The following ZNF217 variants were observed in gnomAD, a reference collection of about 807,000 sequenced individuals.
ZNF217 encodes zinc finger protein 217.
In ZNF217, 12 loss-of-function variants were observed where a neutral mutation model predicts 73.3. The ratio of observed to expected loss-of-function variants is 0.16; its 90% CI spans 0.10 to 0.27. The LOEUF is 0.27. Ranked by LOEUF, ZNF217 falls within the 10% of genes least tolerant of loss-of-function variation. The pLI, the probability that ZNF217 is intolerant of heterozygous loss-of-function variation, is 1.00. For synonymous variants in ZNF217, 588 were observed against 516.4 expected (o/e 1.14, Z -1.88); for missense variants, 1,195 against 1,327.8 (o/e 0.90, Z 1.55).
At position 53,582,194 on chromosome 20, in the gene ZNF217, G is replaced by T; in HGVS notation, c.633C>A (p.Ile211=). 1.9e-6 allele frequency: 3 copies of T among 1,614,044 alleles called. No homozygotes were observed. Among genetic ancestry groups the T allele is most frequent in the Non-Finnish European group, 2.5e-6 (3 of 1,180,048 alleles). The change falls in exon 2 of 6, where the codon ATC becomes ATA. Residue 211 remains isoleucine (I), a synonymous_variant. Coordinates refer to ENST00000371471, the MANE Select transcript of ZNF217 (RefSeq NM_006526.3). This position sits in a 1 kb window ranked among gnomAD's most constrained non-coding sequence, Gnocchi z 4.8. ...CCATGCAGATTTTGTAAGGAGAGGA[G>T]ATGCTCTCGGCCGCGTGCACCTGGA... ...EVVQVHAAES[I]SSPYKICMVC...
rs765107738 is a variant in ZNF217 at position 53,569,159 on chromosome 20, T to C, written c.*129A>G. ...CCTTGCAGATTCCTCATATGTTTTATGTACAGTACAATCACAGCTTATTTC... is the reference window on the plus strand; with the variant it reads ...CCTTGCAGATTCCTCATATGTTTTACGTACAGTACAATCACAGCTTATTTC... On this transcript the variant is annotated 3_prime_UTR_variant, in exon 6 of 6. Transcript: ENST00000371471. The C allele has an allele frequency of 5.9e-6, 8 of 1,345,144 alleles. No homozygotes were observed. The South Asian group carries it at 7.1e-5, about 12-fold the overall frequency. 83.3% of individuals were successfully genotyped at this position (1,345,144 alleles called of 1,614,324 possible). A position where few individuals can be genotyped will look rare whatever the true frequency, so the allele number is the denominator to read the frequency against.
At chr20:53,595,468 A>T (rs1346527678), upstream of ZNF217, among the ~76,000 whole-genome samples, 1 of 152,244 alleles carries the variant, frequency 6.6e-6, no homozygotes, top group Non-Finnish European at 1.5e-5. Context: ...CTTAATAAAT[A>T]GGAAAAGGAA....
At chr20:53,596,958 C>T (rs559917761), upstream of ZNF217, among the ~76,000 whole-genome samples, 15 of 152,076 alleles carry the variant, frequency 9.9e-5, no homozygotes, top group African/African-American at 1.9e-4. Flanking sequence ...TCCTAGTATG[C>T]GCTTATAAAA....
Position 53,583,006 on chromosome 20 carries a change from G to A in ZNF217, c.-180C>T. 3 of 593,436 alleles carry A rather than the reference G, an allele frequency of 5.1e-6. No homozygotes were observed. Among genetic ancestry groups the A allele is most frequent in the South Asian group, 5.2e-5 (2 of 38,834 alleles). The allele number at this position is 593,436 out of a possible 1,614,324, so 36.8% of individuals were successfully genotyped here. ...CGAACTTTTAGGAAGCTCAGTGATG[G>A]TGTCACTGGTTCTTTCCACAAACAA... On this transcript the variant is annotated 5_prime_UTR_variant, in exon 2 of 6. Coordinates refer to ENST00000371471, the MANE Select transcript of ZNF217 (RefSeq NM_006526.3).
Position 53,582,717 on chromosome 20 carries a change from G to T in ZNF217, c.110C>A (p.Ala37Asp), listed in dbSNP as rs1319642933. 6.2e-7 allele frequency: 1 copy of T among 1,613,982 alleles called. No individual in the cohort carries two copies. The highest frequency in any genetic ancestry group is 1.7e-5 in the Admixed American group (1 of 59,998). Reference protein sequence around the residue: ...SLGSPMEMEDALSMKGTAVVP... With the variant: ...SLGSPMEMEDDLSMKGTAVVP... ...AACAGCGGTCCCTTTCATTGACAAGGCATCCTCCATCTCCATCGGACTGCC... is the reference window on the plus strand; with the variant it reads ...AACAGCGGTCCCTTTCATTGACAAGTCATCCTCCATCTCCATCGGACTGCC... Residue 37 changes from alanine (A) to aspartate (D), a missense_variant, in exon 2 of 6, where the codon GCC (alanine) becomes GAC (aspartate). Around this residue, in one of 9 missense-constraint regions of ZNF217, gnomAD observed 147 missense variants for 184.3 expected, o/e 0.80. Coordinates refer to ENST00000371471, the MANE Select transcript of ZNF217 (RefSeq NM_006526.3). The surrounding 1 kb of genome is among the most constrained non-coding windows in gnomAD (Gnocchi z 4.8).
chr20:53,597,304 C>T (rs770944850), upstream of ZNF217, among the ~76,000 whole-genome samples: 1 of 151,834 alleles, frequency 6.6e-6, no homozygotes, highest in Non-Finnish European at 1.5e-5. Flanking sequence ...AGATACGGGA[C>T]GTAAAAGAAT....
chr20:53,584,897 A>G (rs1474500582), intron 1 of ZNF217, among the ~76,000 whole-genome samples: 1 of 152,182 alleles, frequency 6.6e-6, no homozygotes, highest in African/African-American at 2.4e-5. Context: ...TACCCTAGAA[A>G]AACAGTTATC....
At chr20:53,570,872 A>G (rs528777175) in intron 5 of ZNF217, among the ~76,000 whole-genome samples, 116 of 152,336 alleles carry the variant, frequency 7.6e-4, no homozygotes, top group African/African-American at 2.7e-3. Flanking sequence ...TCACAGGCAG[A>G]GCGGGGCTTT....
Position 53,578,377 on chromosome 20 carries a change from GA to G in ZNF217, c.1439del (p.Phe480SerfsTer35). On this transcript the variant is annotated frameshift_variant, in exon 3 of 6. Coordinates refer to ENST00000371471, the MANE Select transcript of ZNF217 (RefSeq NM_006526.3). LOFTEE classifies it high-confidence loss of function. ...SRECSYCGKF[F>X]RSNYYLNIHL... The stretch of plus-strand genomic sequence containing the variant: ...GAATATTGAGGTAATAATTTGAACG[GA>G]AAAACTTTCCACAATAACTACACTC... 1 of 1,598,326 alleles carries G rather than the reference GA, an allele frequency of 6.3e-7. No homozygotes were observed. Among genetic ancestry groups the G allele is most frequent in the African/African-American group, 1.3e-5 (1 of 74,114 alleles).
Position 53,588,617 on chromosome 20 carries a change from TATATATATAC to T in ZNF217, c.-343+5129_-343+5138del, listed in dbSNP as rs1413574285. 6.3e-3 allele frequency among the ~76,000 whole-genome samples: 336 copies of T among 53,720 alleles called. 2 individuals carry two copies. The highest frequency in any genetic ancestry group is 0.011 in the Admixed American group (59 of 5,274). The allele number at this position is 53,720 out of a possible 152,430, so 35.2% of individuals were successfully genotyped here. A position where few individuals can be genotyped will look rare whatever the true frequency, so the allele number is the denominator to read the frequency against. On this transcript the variant is annotated intron_variant, in intron 1 of 5. Coordinates refer to ENST00000371471, the MANE Select transcript of ZNF217 (RefSeq NM_006526.3). ...ATCTATATATATATATATATATATATATATATATACACACACACACACAACTATGCCCACT... is the reference window on the plus strand; with the variant it reads ...ATCTATATATATATATATATATATATACACACACACACAACTATGCCCACT...
At chr20:53,570,337 A>G (rs1004674242) in intron 5 of ZNF217, 2 of 148,464 alleles carry the variant, frequency 1.3e-5, no homozygotes, top group African/African-American at 5.4e-5. Context: ...CAGTTCCCAT[A>G]TGAGTCCCGA....
intron 5 of ZNF217, among the ~76,000 whole-genome samples, chr20:53,570,839 G>A (rs1987965945): frequency 6.6e-6 from 1 of 152,146 alleles, no homozygotes; most frequent in Non-Finnish European, 1.5e-5. Context: ...GCAGACCTAG[G>A]ACAAAAACCA....
chr20:53,576,795 G>A lies in ZNF217; in HGVS notation c.1969C>T (p.His657Tyr). ...VTPPPDGSTT[H>Y]NLEVSPKEKQ... Reference sequence around the variant, plus strand: ...TCTTTGGGGCTAACTTCAAGGTTATGGGTGGTACTGCCATCCGGAGGAGGA... The same window carrying A: ...TCTTTGGGGCTAACTTCAAGGTTATAGGTGGTACTGCCATCCGGAGGAGGA... Residue 657 changes from histidine (H) to tyrosine (Y), a missense_variant, in exon 4 of 6, where the codon CAT becomes TAT. Around this residue, in one of 9 missense-constraint regions of ZNF217, gnomAD observed 649 missense variants for 642.8 expected, o/e 1.01. Transcript: ENST00000371471. The A allele has an allele frequency of 6.2e-7, 1 of 1,614,200 alleles. No homozygotes were observed. The highest frequency in any genetic ancestry group is 1.1e-5 in the South Asian group (1 of 91,086).
At chr20:53,580,086 T>C (rs1988428346) in intron 2 of ZNF217, among the ~76,000 whole-genome samples, 1 of 152,258 alleles carries the variant, frequency 6.6e-6, no homozygotes, top group Admixed American at 6.5e-5. Context: ...AGCCTCTTTT[T>C]ATGATGCCAT....
In ZNF217 at chr20:53,576,931, A is replaced by G. The variant is rs1290642224; in HGVS notation, c.1833T>C (p.Ala611=). The change falls in exon 4 of 6, where the codon GCT becomes GCC. Residue 611 remains alanine, a synonymous_variant. Transcript: ENST00000371471. ...DFHKNAADDS[A]DKVNKNPTPA... ...GGGTAGGGTTTTTATTCACTTTATC[A>G]GCACTGTCATCAGCTGCATTTTTAT... 1.9e-6 allele frequency: 3 copies of G among 1,614,158 alleles called. No individual in the cohort carries two copies. The highest frequency in any genetic ancestry group is 2.5e-6 in the Non-Finnish European group (3 of 1,180,038).
chr20:53,589,310 T>TC (rs1988802596), intron 1 of ZNF217, among the ~76,000 whole-genome samples: 1 of 152,214 alleles, frequency 6.6e-6, no homozygotes, highest in South Asian at 2.1e-4. Context: ...TCTTCAGCTG[T>TC]CTTTTCAGGT....
At chr20:53,593,483 A>T (rs1988956235) in intron 1 of ZNF217, among the ~76,000 whole-genome samples, 1 of 121,522 alleles carries the variant, frequency 8.2e-6, no homozygotes, top group Admixed American at 8.8e-5. Context: ...GGAACCCCGC[A>T]CCCCAAGCCC....
At chr20:53,596,117 T>C (rs1216471822), upstream of ZNF217, among the ~76,000 whole-genome samples, 1 of 152,164 alleles carries the variant, frequency 6.6e-6, no homozygotes, top group Admixed American at 6.5e-5. Flanking sequence ...CTCTCAGACC[T>C]TGTTGCTACT....
At chr20:53,571,523 G>T (rs528686111) in intron 5 of ZNF217, among the ~76,000 whole-genome samples, 198 bp downstream of exon 5, 1 of 150,638 alleles carries the variant, frequency 6.6e-6, no homozygotes, top group East Asian at 2.0e-4. Context: ...TCCTGCTTCA[G>T]CCTCCTAAGT....
Sources: allele counts gnomAD v4.1 joint callset (sites outside exome capture counted in the v4.1 genomes callset), GRCh38; gene constraint gnomAD v4.1.1; regional missense constraint gnomAD v4.1.1; non-coding constraint Gnocchi (gnomAD v3.1); transcripts MANE v1.5; gene names NCBI Gene and HGNC (gene_info 2026-07-23, HGNC 2026-07-21).